The following ATRX variants were observed in gnomAD, a reference collection of about 807,000 sequenced individuals.
The protein encoded by ATRX is chromatin remodeler ATRX.
In ATRX, 12 loss-of-function variants were observed where a neutral mutation model predicts 172.6. The ratio of observed to expected loss-of-function variants is 0.07; its 90% confidence interval spans 0.04 to 0.11. The LOEUF (loss-of-function observed/expected upper bound fraction) is 0.11. ATRX is among the 10% of genes least tolerant of loss of function. ATRX has a pLI of 1.00. For synonymous variants in ATRX, 674 were observed against 594.7 expected (o/e 1.13, Z -1.94); for missense variants, 1,368 against 1,767.4 (o/e 0.77, Z 4.05).
chrX:77,759,154 T>C (rs782561810), intron 1 of ATRX, among the ~76,000 whole-genome samples: 1 of 112,075 alleles, frequency 8.9e-6, no homozygotes, highest in South Asian at 3.7e-4. Flanking sequence ...TGCTTCCTTA[T>C]GCTTTTGACT....
At chrX:77,615,618 C>A (rs1194287070) in intron 22 of ATRX, among the ~76,000 whole-genome samples, 1 of 111,109 alleles carries the variant, frequency 9.0e-6, no homozygotes, top group African/African-American at 3.3e-5. Flanking sequence ...TGATTTTCTT[C>A]CAAAAGTCAA....
chrX:77,717,453 A>G (rs1441127790), intron 1 of ATRX, among the ~76,000 whole-genome samples: 13 of 110,613 alleles, frequency 1.2e-4, no homozygotes, highest in Non-Finnish European at 1.9e-5. Context: ...GTGGTGGCTC[A>G]TAATAGAGCA....
chrX:77,528,251 T>C (rs1027904215), intron 30 of ATRX, among the ~76,000 whole-genome samples: 2 of 111,976 alleles, frequency 1.8e-5, no homozygotes, highest in Admixed American at 1.9e-4. Context: ...GATCTCTCCA[T>C]GGGAGGGAGC....
At chrX:77,651,125 G>A (rs181620098) in intron 15 of ATRX, among the ~76,000 whole-genome samples, 1 of 99,328 alleles carries the variant, frequency 1.0e-5, no homozygotes, top group East Asian at 3.3e-4. Flanking sequence ...GCTGAGACAG[G>A]AGAATCACTT....
chrX:77,653,293 C>T (rs2069369659), intron 14 of ATRX, among the ~76,000 whole-genome samples: 1 of 111,906 alleles, frequency 8.9e-6, no homozygotes, highest in South Asian at 3.7e-4. Flanking sequence ...GTAGAAACAA[C>T]CCAAATGTCC....
chrX:77,620,175 A>G (rs2067520764), intron 20 of ATRX, among the ~76,000 whole-genome samples: 1 of 112,301 alleles, frequency 8.9e-6, no homozygotes, highest in Non-Finnish European at 1.9e-5. Flanking sequence ...ATATATGAAC[A>G]TTCACAATAG....
intron 1 of ATRX, among the ~76,000 whole-genome samples, chrX:77,743,247 C>T (rs997786645): frequency 9.0e-6 from 1 of 111,122 alleles, no homozygotes; most frequent in Non-Finnish European, 1.9e-5. Flanking sequence ...GAAGGAACTC[C>T]GCCTGGACTG....
chrX:77,778,449 G>A (rs1473464077), intron 1 of ATRX, among the ~76,000 whole-genome samples: 11 of 107,495 alleles, frequency 1.0e-4, no homozygotes, highest in East Asian at 2.9e-4. Flanking sequence ...TAGGCAGGGC[G>A]CGGTGGCTCA....
chrX:77,785,796 C>A (rs2076724935), intron 1 of ATRX, 186 bp downstream of exon 1: 1 of 359,280 alleles, frequency 2.8e-6, no homozygotes, highest in African/African-American at 3.7e-5. Context: ...CCCATCCCCA[C>A]CCCCACCCCC....
At chrX:77,709,209 G>A (rs782518789) in intron 2 of ATRX, among the ~76,000 whole-genome samples, 1 of 112,128 alleles carries the variant, frequency 8.9e-6, no homozygotes, top group African/African-American at 3.2e-5. Context: ...ACTCCAGCCT[G>A]GGCAACAGAG....
intron 30 of ATRX, 28 bp from the exon 31 acceptor site, chrX:77,523,429 A>G (rs782437925): frequency 6.7e-6 from 8 of 1,194,767 alleles, no homozygotes. Flanking sequence ...AATAAGAGAC[A>G]ATTATTTTTC....
chrX:77,527,165 T>C (rs45539735), intron 30 of ATRX, among the ~76,000 whole-genome samples: 1,692 of 111,898 alleles, frequency 0.015, 11 homozygotes, highest in Admixed American at 0.024. Flanking sequence ...CCTCCACACA[T>C]TGACACACAC....
At chrX:77,664,838 T>A in intron 10 of ATRX, 60 bp from the exon 11 acceptor site, 1 of 1,029,491 alleles carries the variant, frequency 9.7e-7, no homozygotes. Context: ...TACACCAAAT[T>A]AAAAATAAAA....
At chrX:77,617,841 C>T (rs1557097669) in intron 21 of ATRX, among the ~76,000 whole-genome samples, 2 of 109,976 alleles carry the variant, frequency 1.8e-5, no homozygotes, top group Admixed American at 1.9e-4. Flanking sequence ...CTCAGCCTCC[C>T]AAGTGACAGA....
chrX:77,536,106 A>C (rs1170869688), intron 30 of ATRX, among the ~76,000 whole-genome samples: 1 of 109,863 alleles, frequency 9.1e-6, no homozygotes, highest in Non-Finnish European at 1.9e-5. Flanking sequence ...GTGGCTAGTC[A>C]TAGGTGTGAT....
intron 1 of ATRX, among the ~76,000 whole-genome samples, chrX:77,748,838 C>T (rs1347200984): frequency 9.0e-6 from 1 of 111,125 alleles, no homozygotes; most frequent in Non-Finnish European, 1.9e-5. Context: ...CCACCCACCT[C>T]GGCCTCCCAG....
At chrX:77,743,031 A>T (rs2074939625) in intron 1 of ATRX, among the ~76,000 whole-genome samples, 1 of 110,980 alleles carries the variant, frequency 9.0e-6, no homozygotes, top group African/African-American at 3.3e-5. Context: ...GAGTGTGAGT[A>T]GGGGCGGGGA....
At position 77,664,828 on chromosome X, in the gene ATRX, T is replaced by C. The variant is rs782448875; in HGVS notation, c.3810-50A>G. The C allele has an allele frequency of 1.5e-4, 156 of 1,060,097 alleles. 1 individual carries two copies. The South Asian group carries it at 3.1e-3, about 21-fold the overall frequency. The allele number at this position is 1,060,097 out of a possible 1,213,427, so 87.4% of individuals were successfully genotyped here. ...AAGAACTATATATCTGGGGGTGAAATACACCAAATTAAAAATAAAAACAGA... is the reference window on the plus strand; with the variant it reads ...AAGAACTATATATCTGGGGGTGAAACACACCAAATTAAAAATAAAAACAGA... On this transcript the variant is annotated intron_variant, in intron 10 of 34. Transcript: ENST00000373344.
At chrX:77,704,338 T>C (rs1337156453) in intron 2 of ATRX, among the ~76,000 whole-genome samples, 1 of 111,939 alleles carries the variant, frequency 8.9e-6, no homozygotes, top group African/African-American at 3.3e-5. Context: ...TGACATCTGT[T>C]CAGCTCTGGC....
Sources: allele counts gnomAD v4.1 joint callset (sites outside exome capture counted in the v4.1 genomes callset), GRCh38; gene constraint gnomAD v4.1.1; transcripts MANE v1.5; gene names NCBI Gene and HGNC (gene_info 2026-07-23, HGNC 2026-07-21).